The following ITPRID1 variants were observed in gnomAD, a reference collection of about 807,000 sequenced individuals.
ITPRID1 encodes protein ITPRID1.
A neutral mutation model predicts 95.4 loss-of-function variants in ITPRID1; 96 were observed. That is an observed-to-expected ratio of 1.01 (90% CI 0.85 to 1.19). The LOEUF (loss-of-function observed/expected upper bound fraction) is 1.19, where lower values mean the gene tolerates loss of function less well. Ranked by LOEUF, ITPRID1 falls within the 50% of genes most tolerant of loss-of-function variation. ITPRID1 has a pLI of 0.00. For missense variants in ITPRID1, 1,339 were observed against 1,252.9 expected (o/e 1.07, Z -1.04); for synonymous variants, 510 against 453.6 (o/e 1.12, Z -1.58).
chr7:31,582,927 G>A (rs889322782), intron 9 of ITPRID1, among the ~76,000 whole-genome samples: 1 of 152,082 alleles, frequency 6.6e-6, no homozygotes, highest in African/African-American at 2.4e-5. Context: ...CTCCCATCCA[G>A]TTGTGATCTT....
intron 10 of ITPRID1, among the ~76,000 whole-genome samples, chr7:31,603,842 ATCTCCTTTT>A (rs1786501581): frequency 6.6e-6 from 1 of 151,752 alleles, no homozygotes; most frequent in Non-Finnish European, 1.5e-5. Context: ...TTCACTTCCA[ATCTCCTTTT>A]TCATATGTCA....
chr7:31,515,040 G>T (rs1783002618), intron 1 of ITPRID1, among the ~76,000 whole-genome samples: 1 of 151,936 alleles, frequency 6.6e-6, no homozygotes, highest in African/African-American at 2.4e-5. Context: ...GAAGAAAGTG[G>T]TGATTTAGTA....
At chr7:31,521,622 CCTTCCTTCCTTCCTTCCTT>C in intron 1 of ITPRID1, among the ~76,000 whole-genome samples, 1 of 11,336 alleles carries the variant, frequency 8.8e-5, no homozygotes, top group African/African-American at 4.8e-4. Flanking sequence ...TCCTTTCCCT[CCTTCCTTCCTTCCTTCCTT>C]CCTTCCTTCC....
Position 31,574,691 on chromosome 7 carries a change from T to C in ITPRID1, c.547T>C (p.Phe183Leu). Residue 183 changes from phenylalanine to leucine, a missense_variant, in exon 8 of 15, where the codon TTT (phenylalanine) becomes CTT (leucine). Phe to Leu is a conservative substitution (Grantham distance 22). Transcript: ENST00000615280. ...SAARGINIRV[F>L]LEAQKQRMDI... Reference sequence around the variant, plus strand: ...AGCCAGAGGAATCAACATCCGTGTTTTTCTTGAAGCTCAAAAGCAGCGAAT... The same window carrying C: ...AGCCAGAGGAATCAACATCCGTGTTCTTCTTGAAGCTCAAAAGCAGCGAAT... The C allele has an allele frequency of 6.2e-7, 1 of 1,613,878 alleles. No individual in the cohort carries two copies. The highest frequency in any genetic ancestry group is 1.1e-5 in the South Asian group (1 of 91,088).
Position 31,550,973 on chromosome 7 carries a change from T to A in ITPRID1, c.-24+1474T>A, listed in dbSNP as rs757548988. ...TACAGAAGCAGCAATTTGAATACTA[T>A]CAGCTACCTGATAGCTTCTTGTTTC... On this transcript the variant is annotated intron_variant, in intron 2 of 14. Transcript: ENST00000615280. 9.7e-5 allele frequency among the ~76,000 whole-genome samples: 14 copies of A among 143,864 alleles called. 2 individuals carry two copies. The highest frequency in any genetic ancestry group is 1.9e-4 in the Non-Finnish European group (12 of 63,754). The allele number at this position is 143,864 out of a possible 152,430, so 94.4% of individuals were successfully genotyped here.
intron 10 of ITPRID1, among the ~76,000 whole-genome samples, chr7:31,598,532 T>C (rs1319851162): frequency 2.0e-5 from 3 of 150,778 alleles, no homozygotes; most frequent in African/African-American, 7.3e-5. Context: ...GCCTCCCGAG[T>C]AGCTGGGACT....
intron 6 of ITPRID1, among the ~76,000 whole-genome samples, chr7:31,571,809 A>G (rs1286311543): frequency 6.6e-6 from 1 of 152,182 alleles, no homozygotes; most frequent in Non-Finnish European, 1.5e-5. Context: ...TGTTCCTGAA[A>G]GGTTCCCCAA....
chr7:31,635,279 T>C (rs1164324573), intron 10 of ITPRID1, among the ~76,000 whole-genome samples: 1 of 152,210 alleles, frequency 6.6e-6, no homozygotes, highest in Non-Finnish European at 1.5e-5. Flanking sequence ...GAAGGTACTC[T>C]ATAAAGAGAA....
At chr7:31,520,518 TGTG>T (rs1783207754) in intron 1 of ITPRID1, among the ~76,000 whole-genome samples, 1 of 21,296 alleles carries the variant, frequency 4.7e-5, no homozygotes, top group Non-Finnish European at 1.3e-4. Flanking sequence ...CACATCATTG[TGTG>T]TGTGTGTGTG....
chr7:31,558,875 T>G (rs1190864301), intron 5 of ITPRID1, among the ~76,000 whole-genome samples: 1 of 152,314 alleles, frequency 6.6e-6, no homozygotes, highest in Non-Finnish European at 1.5e-5. Context: ...AAAAGAATGC[T>G]CTCTAAATTT....
chr7:31,546,609 G>T (rs1039599341), intron 1 of ITPRID1, among the ~76,000 whole-genome samples: 5 of 152,078 alleles, frequency 3.3e-5, no homozygotes, highest in Non-Finnish European at 5.9e-5. Context: ...TTCATAACCA[G>T]ATTGGCTTTG....
At chr7:31,576,348 TAAAAG>T (rs774775917) in intron 8 of ITPRID1, among the ~76,000 whole-genome samples, 6 of 152,090 alleles carry the variant, frequency 3.9e-5, no homozygotes, top group African/African-American at 1.2e-4. Flanking sequence ...AAGGCAAAAA[TAAAAG>T]AAAACACTTA....
intron 10 of ITPRID1, among the ~76,000 whole-genome samples, chr7:31,606,356 G>A (rs191652390): frequency 1.3e-5 from 2 of 152,164 alleles, no homozygotes; most frequent in Non-Finnish European, 2.9e-5. Context: ...AATAGGATCA[G>A]CAAAGATTTC....
At chr7:31,647,378 G>A (rs1353368747) in intron 12 of ITPRID1, among the ~76,000 whole-genome samples, 1 of 152,068 alleles carries the variant, frequency 6.6e-6, no homozygotes, top group Non-Finnish European at 1.5e-5. Context: ...AAGATAATGG[G>A]AGGCCAGGCA....
chr7:31,586,431 G>A (rs1372545232), intron 10 of ITPRID1, among the ~76,000 whole-genome samples: 2 of 150,952 alleles, frequency 1.3e-5, no homozygotes, highest in African/African-American at 4.9e-5. Context: ...TTCCACAATG[G>A]TTGAACTAGT....
chr7:31,516,599 T>C (rs1014663804), intron 1 of ITPRID1, among the ~76,000 whole-genome samples: 1 of 151,846 alleles, frequency 6.6e-6, no homozygotes, highest in South Asian at 2.1e-4. Flanking sequence ...CAGATTTGAA[T>C]GTAAGTCTGT....
intron 10 of ITPRID1, among the ~76,000 whole-genome samples, chr7:31,628,965 C>G (rs1359706777): frequency 6.6e-6 from 1 of 152,126 alleles, no homozygotes; most frequent in Non-Finnish European, 1.5e-5. Flanking sequence ...AACATTTGGA[C>G]TGGTTATCAC....
intron 10 of ITPRID1, among the ~76,000 whole-genome samples, chr7:31,630,603 G>A (rs1041845377): frequency 2.6e-5 from 4 of 152,070 alleles, no homozygotes; most frequent in East Asian, 3.9e-4. Context: ...CAACAGGGAA[G>A]ATCTGCATCG....
intron 6 of ITPRID1, among the ~76,000 whole-genome samples, chr7:31,570,514 G>A (rs759283652): frequency 2.0e-5 from 3 of 152,142 alleles, no homozygotes; most frequent in Non-Finnish European, 4.4e-5. Context: ...CCAACTAGTC[G>A]TAAACCAAAT....
Sources: gnomAD v4.1 joint callset for allele counts (sites outside exome capture counted in the v4.1 genomes callset) on GRCh38, gnomAD v4.1.1 for gene constraint, MANE v1.5 for transcripts, NCBI Gene and HGNC (gene_info 2026-07-23, HGNC 2026-07-21) for gene names.